The following PBRM1 variants were observed in gnomAD, a reference collection of about 807,000 sequenced individuals.
PBRM1 encodes the protein protein polybromo-1.
Under a neutral mutation model 194.5 loss-of-function variants are expected in PBRM1, and 27 were observed. The ratio of observed to expected loss-of-function variants is 0.14; its 90% CI spans 0.10 to 0.19. The LOEUF (loss-of-function observed/expected upper bound fraction) is 0.19. Ranked by LOEUF, PBRM1 falls within the 10% of genes least tolerant of loss-of-function variation. The pLI is 1.00. For synonymous variants in PBRM1, 655 were observed against 693.2 expected, an observed-to-expected ratio of 0.94 and a Z score of 0.87; for missense variants, 1,466 against 2,077.2, an observed-to-expected ratio of 0.71 and a Z score of 5.72.
chr3:52,662,643 T>C (rs1338702584), intron 3 of PBRM1, among the ~76,000 whole-genome samples: 5 of 152,040 alleles, frequency 3.3e-5, no homozygotes, highest in Non-Finnish European at 1.5e-5. Context: ...CTGGCCAACA[T>C]GGTGAAACCC....
chr3:52,610,401 A>C (rs2094547646), intron 15 of PBRM1, among the ~76,000 whole-genome samples: 1 of 152,196 alleles, frequency 6.6e-6, no homozygotes, highest in African/African-American at 2.4e-5. Context: ...CAAACACACA[A>C]ATTTCCTAGC....
chr3:52,668,531 C>G, exon 3 of PBRM1: 1 of 1,605,460 alleles, frequency 6.2e-7, no homozygotes, highest in Middle Eastern at 1.7e-4. Flanking sequence ...TAAAAAGAAG[C>G]TGGAAGTCAG....
chr3:52,648,553 A>T, intron 6 of PBRM1, 111 bp from the exon 8 acceptor site: 1 of 584,396 alleles, frequency 1.7e-6, no homozygotes, highest in African/African-American at 1.9e-5. Context: ...CCAAGACTTT[A>T]TTGGAAAGTA....
intron 11 of PBRM1, among the ~76,000 whole-genome samples, chr3:52,634,234 C>T (rs1332001748): frequency 2.0e-5 from 3 of 151,920 alleles, no homozygotes; most frequent in South Asian, 4.1e-4. Flanking sequence ...GTCAGGAGAT[C>T]GAGACCATCC....
intron 17 of PBRM1, among the ~76,000 whole-genome samples, chr3:52,593,673 A>T (rs2093312377): frequency 6.6e-6 from 1 of 152,020 alleles, no homozygotes; most frequent in African/African-American, 2.4e-5. Context: ...TATCTACCTT[A>T]ATTTCATTAT....
intron 3 of PBRM1, among the ~76,000 whole-genome samples, chr3:52,663,640 C>T (rs1468778313): frequency 4.6e-5 from 7 of 152,122 alleles, no homozygotes; most frequent in Admixed American, 4.6e-4. Flanking sequence ...ATCAAAGAAT[C>T]ACGAGAAAGC....
At chr3:52,590,282 C>T (rs2092905612) in intron 17 of PBRM1, among the ~76,000 whole-genome samples, 1 of 151,832 alleles carries the variant, frequency 6.6e-6, no homozygotes, top group Non-Finnish European at 1.5e-5. Flanking sequence ...TGGTGAAACC[C>T]CATCTCTACT....
chr3:52,667,584 C>G (rs1257724067), intron 3 of PBRM1, among the ~76,000 whole-genome samples: 1 of 151,510 alleles, frequency 6.6e-6, no homozygotes. Flanking sequence ...GAAACCCCAT[C>G]TCCACTAAAA....
chr3:52,568,872 A>G (rs1444138013), intron 22 of PBRM1, among the ~76,000 whole-genome samples: 2 of 152,108 alleles, frequency 1.3e-5, no homozygotes, highest in African/African-American at 4.8e-5. Context: ...TATACTTTTC[A>G]GAATTTTCCT....
intron 19 of PBRM1, 110 bp downstream of exon 21, chr3:52,587,243 A>C (rs2092522517): frequency 1.2e-6 from 1 of 861,922 alleles, no homozygotes; most frequent in Non-Finnish European, 1.9e-6. Context: ...ACGGCTTAAA[A>C]AATAGCTTAA....
intron 20 of PBRM1, chr3:52,586,061 G>A (rs1296402623): frequency 1.7e-4 from 29 of 167,976 alleles, no homozygotes; most frequent in Non-Finnish European, 3.9e-5. Context: ...TCAGCCTCCT[G>A]GGTAGCTGGA....
At chr3:52,637,815 C>T (rs1047930711) in intron 10 of PBRM1, among the ~76,000 whole-genome samples, 1 of 120,870 alleles carries the variant, frequency 8.3e-6, no homozygotes, top group Admixed American at 9.8e-5. Context: ...GGCATGGTGA[C>T]GGGCTCCTAT....
intron 2 of PBRM1, among the ~76,000 whole-genome samples, chr3:52,670,272 T>C (rs908836293): frequency 6.6e-6 from 1 of 152,194 alleles, no homozygotes; most frequent in Non-Finnish European, 1.5e-5. Flanking sequence ...TCACTCTATG[T>C]CATATGGTCA....
upstream of PBRM1, among the ~76,000 whole-genome samples, chr3:52,683,725 C>T (rs895902224): frequency 5.8e-5 from 7 of 121,454 alleles, no homozygotes; most frequent in African/African-American, 1.3e-4. Context: ...GGGTGAGGCA[C>T]GAGAATTGCT....
chr3:52,657,535 T>A (rs1374517091), intron 5 of PBRM1, among the ~76,000 whole-genome samples: 1 of 152,108 alleles, frequency 6.6e-6, no homozygotes, highest in Non-Finnish European at 1.5e-5. Flanking sequence ...AACGGCATGA[T>A]GTCAGCTCAC....
intron 21 of PBRM1, among the ~76,000 whole-genome samples, chr3:52,578,597 C>A (rs950728607): frequency 6.6e-6 from 1 of 152,174 alleles, no homozygotes; most frequent in Non-Finnish European, 1.5e-5. Context: ...ATATCTGAGG[C>A]CCTACTATGT....
At chr3:52,667,770 A>T (rs1024608053) in intron 3 of PBRM1, among the ~76,000 whole-genome samples, 4 of 121,566 alleles carry the variant, frequency 3.3e-5, no homozygotes, top group South Asian at 2.8e-4. Context: ...AAAAAAAAAA[A>T]TTTCTAAAGC....
chr3:52,646,382 T>C (rs2096289237), intron 7 of PBRM1, among the ~76,000 whole-genome samples: 1 of 152,228 alleles, frequency 6.6e-6, no homozygotes, highest in African/African-American at 2.4e-5. Context: ...TACAGAACCA[T>C]AAAACTTCTA....
At chr3:52,649,678 T>C (rs2096434804) in intron 6 of PBRM1, among the ~76,000 whole-genome samples, 1 of 152,214 alleles carries the variant, frequency 6.6e-6, no homozygotes, top group Non-Finnish European at 1.5e-5. Context: ...AGTTGTGACA[T>C]GCTTTAGCAG....
Sources: gnomAD v4.1 joint callset for allele counts (sites outside exome capture counted in the v4.1 genomes callset) on GRCh38, gnomAD v4.1.1 for gene constraint, MANE v1.5 for transcripts, NCBI Gene and HGNC (gene_info 2026-07-23, HGNC 2026-07-21) for gene names.